DYNC2H1: variants seen among roughly 807,000 people sequenced by gnomAD.
DYNC2H1 encodes cytoplasmic dynein 2 heavy chain 1.
A neutral mutation model predicts 570.0 loss-of-function variants in DYNC2H1; 410 were observed. The ratio of observed to expected loss-of-function variants is 0.72; its 90% CI spans 0.66 to 0.78. The LOEUF is 0.78. Among genes scored for constraint, DYNC2H1 ranks in the 30% least tolerant of loss-of-function variants. The pLI is 0.00. For synonymous variants in DYNC2H1, 1,688 were observed against 1,677.6 expected (o/e 1.01, Z -0.15); for missense variants, 4,865 against 5,046.4 (o/e 0.96, Z 1.09).
At chr11:103,121,583 A>T in intron 10 of DYNC2H1, 87 bp downstream of exon 10, 1 of 1,370,646 alleles carries the variant, frequency 7.3e-7, no homozygotes, top group South Asian at 1.6e-5. Flanking sequence ...GCTGTAGTAA[A>T]TATATTCTCT....
intron 88 of DYNC2H1, among the ~76,000 whole-genome samples, chr11:103,476,591 A>G (rs561945170): frequency 6.6e-6 from 1 of 152,274 alleles, no homozygotes; most frequent in South Asian, 2.1e-4. Context: ...GTTTTTATCT[A>G]TTTGGGAATC....
chr11:103,459,266 G>A (rs1318240167), intron 87 of DYNC2H1, among the ~76,000 whole-genome samples: 3 of 109,228 alleles, frequency 2.7e-5, no homozygotes, highest in Admixed American at 1.4e-4. Flanking sequence ...CCGAGATCCC[G>A]CCACTGCACT....
At chr11:103,466,470 A>G (rs1945197040) in intron 87 of DYNC2H1, among the ~76,000 whole-genome samples, 2 of 152,322 alleles carry the variant, frequency 1.3e-5, no homozygotes, top group Non-Finnish European at 2.9e-5. Context: ...CACAGGCCAC[A>G]GACTAGGAAA....
chr11:103,450,561 A>G (rs1944565328), intron 85 of DYNC2H1, among the ~76,000 whole-genome samples: 1 of 152,248 alleles, frequency 6.6e-6, no homozygotes, highest in Admixed American at 6.5e-5. Context: ...ATATTTGGAA[A>G]TAAAATAAAT....
chr11:103,328,879 C>A (rs1449402796), intron 82 of DYNC2H1, among the ~76,000 whole-genome samples: 1 of 152,096 alleles, frequency 6.6e-6, no homozygotes, highest in Non-Finnish European at 1.5e-5. Flanking sequence ...ATGTGAAAGT[C>A]AAAAGCAAGA....
rs1411396759 is a variant in DYNC2H1 at position 103,363,008 on chromosome 11, G to A, written c.12156+4649G>A. ...ATTGTACCACTGCACTCCAGCCTGGGCGACAGAGCAAGACTCTGTCTCAAA... is the reference window on the plus strand; with the variant it reads ...ATTGTACCACTGCACTCCAGCCTGGACGACAGAGCAAGACTCTGTCTCAAA... On this transcript the variant is annotated intron_variant, in intron 83 of 88. Coordinates refer to ENST00000375735, the MANE Select transcript of DYNC2H1 (RefSeq NM_001377.3). This position sits in a 1 kb window ranked among gnomAD's most constrained non-coding sequence, Gnocchi z 5.6. 1.3e-5 allele frequency among the ~76,000 whole-genome samples: 2 copies of A among 151,974 alleles called. No individual in the cohort carries two copies. The highest frequency in any genetic ancestry group is 2.4e-5 in the African/African-American group (1 of 41,350).
intron 75 of DYNC2H1, among the ~76,000 whole-genome samples, chr11:103,300,308 T>C (rs921414766): frequency 1.4e-4 from 22 of 152,194 alleles, no homozygotes; most frequent in African/African-American, 5.1e-4. Flanking sequence ...GGAAGTGCTG[T>C]ATTTATTTTT....
rs749249472 is a variant in DYNC2H1, at chr11:103,188,555, T to C, written c.7199T>C (p.Ile2400Thr). The change falls in exon 44 of 89, where the codon ATT becomes ACT. Residue 2400 changes from isoleucine to threonine, a missense_variant. By Grantham distance (89) the Ile-to-Thr change is moderately conservative (BLOSUM62 -1). Around this residue, in one of 5 missense-constraint regions of DYNC2H1, gnomAD observed 2,401 missense variants for 2,454.6 expected, o/e 0.98. Coordinates refer to ENST00000375735, the MANE Select transcript of DYNC2H1 (RefSeq NM_001377.3). ...TTGGAATGGGTTGGTCTAGAAAATATTCAAATTGTGGCTTCTATGTCAGCT... is the reference window on the plus strand; with the variant it reads ...TTGGAATGGGTTGGTCTAGAAAATACTCAAATTGTGGCTTCTATGTCAGCT... ...ENLEWVGLEN[I>T]QIVASMSAGG... 3 of 1,610,758 alleles carry C rather than the reference T, an allele frequency of 1.9e-6. No homozygotes were observed. Among genetic ancestry groups the C allele is most frequent in the East Asian group, 2.2e-5 (1 of 44,676 alleles).
intron 65 of DYNC2H1, 71 bp from the exon 66 acceptor site, chr11:103,253,214 T>C: frequency 4.8e-6 from 7 of 1,445,394 alleles, no homozygotes; most frequent in Non-Finnish European, 6.5e-6. Flanking sequence ...ACTTAAAAAT[T>C]ATATTTTCAA....
At position 103,286,326 on chromosome 11, in the gene DYNC2H1, T is replaced by TGAA; in HGVS notation, c.10962_10963insGAA (p.Asn3654_Ser3655insGlu). ...CTCTGTGGCGTACTTATTATAATAA[T>TGAA]TCAATGTGTGAGCAAGAGTTTCCAT... On this transcript the variant is annotated inframe_insertion, in exon 74 of 89. Coordinates refer to ENST00000375735, the MANE Select transcript of DYNC2H1 (RefSeq NM_001377.3). 6.2e-7 allele frequency: 1 copy of TGAA among 1,613,824 alleles called. No homozygotes were observed. The highest frequency in any genetic ancestry group is 8.5e-7 in the Non-Finnish European group (1 of 1,179,784).
Position 103,204,891 on chromosome 11 carries a change from A to T in DYNC2H1, c.8381A>T (p.Glu2794Val), listed in dbSNP as rs1323946788. ...SANSNFMINC[E>V]SNPALHKKCQ... Reference sequence around the variant, plus strand: ...AATTCAAACTTCATGATAAACTGTGAGAGTAATCCAGCTTTGCATAAGAAA... The same window carrying T: ...AATTCAAACTTCATGATAAACTGTGTGAGTAATCCAGCTTTGCATAAGAAA... Residue 2794 changes from glutamate (E) to valine (V), a missense_variant, in exon 52 of 89, where the codon GAG (glutamate) becomes GTG (valine). This residue lies in a region of DYNC2H1 where 2,401 missense variants were observed against 2,454.6 expected (regional missense o/e 0.98). Transcript: ENST00000375735. This position sits in a 1 kb window ranked among gnomAD's most constrained non-coding sequence, Gnocchi z 4.1. 1 of 1,593,092 alleles carries T rather than the reference A, an allele frequency of 6.3e-7. No homozygotes were observed. The highest frequency in any genetic ancestry group is 8.6e-7 in the Non-Finnish European group (1 of 1,168,552).
At chr11:103,287,118 G>T (rs930213259) in intron 74 of DYNC2H1, among the ~76,000 whole-genome samples, 1 of 152,004 alleles carries the variant, frequency 6.6e-6, no homozygotes, top group African/African-American at 2.4e-5. Context: ...CTCCAGCCTG[G>T]GTGACAGGGC....
At chr11:103,235,178 C>T (rs1864173857) in intron 61 of DYNC2H1, among the ~76,000 whole-genome samples, 1 of 151,856 alleles carries the variant, frequency 6.6e-6, no homozygotes, top group African/African-American at 2.4e-5. Context: ...AATAGAAATT[C>T]CTTTGCATGT....
rs370030913 is a variant in DYNC2H1, at chr11:103,307,781, C to A, written c.11443C>A (p.Pro3815Thr). Reference protein sequence around the residue: ...FRLWLTAEVHPNFTPILLQSS... With the variant: ...FRLWLTAEVHTNFTPILLQSS... ...TCTTTGGCTCACTGCAGAAGTTCAT[C>A]CCAACTTTACTCCTATTTTACTACA... Residue 3815 changes from proline (P) to threonine (T), a missense_variant, in exon 78 of 89, where the codon CCC (proline) becomes ACC (threonine). By Grantham distance (38) the Pro-to-Thr change is conservative. Around this residue, in one of 5 missense-constraint regions of DYNC2H1, gnomAD observed 2,401 missense variants for 2,454.6 expected, o/e 0.98. Transcript: ENST00000375735. The A allele has an allele frequency of 1.2e-5, 20 of 1,605,918 alleles. No individual in the cohort carries two copies. In the African/African-American group the frequency reaches 2.4e-4, roughly 19 times the overall value.
In DYNC2H1 at chr11:103,280,815, A is replaced by G. The variant is rs10895389; in HGVS notation, c.10761+402A>G. Among the ~76,000 whole-genome samples, 52,548 of 151,814 alleles carry G rather than the reference A, an allele frequency of 0.35. 9,559 individuals carry two copies. Among genetic ancestry groups the G allele is most frequent in the African/African-American group, 0.45 (18,783 of 41,380 alleles). On this transcript the variant is annotated intron_variant, in intron 71 of 88. Transcript: ENST00000375735. The surrounding 1 kb of genome is among the most constrained non-coding windows in gnomAD (Gnocchi z 4.7). The stretch of plus-strand genomic sequence containing the variant: ...TCAAGAGGCAGCAGGTGAGGCATGA[A>G]GATGGGCAGTTCTCAGAAGTTTTCC...
chr11:103,318,300 A>G (rs1937975198), intron 80 of DYNC2H1, among the ~76,000 whole-genome samples: 1 of 152,066 alleles, frequency 6.6e-6, no homozygotes. Context: ...TTCAGCCTCT[A>G]CCATCCCCTA....
rs559629799 is a variant in DYNC2H1 at position 103,341,477 on chromosome 11, T to G, written c.12040-16766T>G. ...GTGGGTGGTTGGCCACTTAGTATTA[T>G]CTGGGAAGTTAGTTTACAAGGTAGA... On this transcript the variant is annotated intron_variant, in intron 82 of 88. Transcript: ENST00000375735. Among the ~76,000 whole-genome samples, 5 of 152,330 alleles carry G rather than the reference T, an allele frequency of 3.3e-5. No homozygotes were observed. In the South Asian group the frequency reaches 1.0e-3, roughly 32 times the overall value.
At chr11:103,459,969 GAAAAAAAAA>G (rs869048472) in intron 87 of DYNC2H1, among the ~76,000 whole-genome samples, 1 of 124,420 alleles carries the variant, frequency 8.0e-6, no homozygotes, top group Non-Finnish European at 1.7e-5. Flanking sequence ...AAAAAAAAAA[GAAAAAAAAA>G]AAAAAGCTGA....
chr11:103,426,811 C>T (rs112007004), intron 84 of DYNC2H1, among the ~76,000 whole-genome samples: 1,544 of 152,226 alleles, frequency 0.01, 18 homozygotes, highest in African/African-American at 0.035. Flanking sequence ...GAAATTAGTG[C>T]GACTGCCTCA....
Sources: allele counts gnomAD v4.1 joint callset (sites outside exome capture counted in the v4.1 genomes callset), GRCh38; gene constraint gnomAD v4.1.1; regional missense constraint gnomAD v4.1.1; non-coding constraint Gnocchi (gnomAD v3.1); transcripts MANE v1.5; gene names NCBI Gene and HGNC (gene_info 2026-07-23, HGNC 2026-07-21).